PDGFC: variants seen among roughly 807,000 people sequenced by gnomAD.
PDGFC encodes the protein platelet derived growth factor C.
Under a neutral mutation model 35.5 loss-of-function variants are expected in PDGFC, and 12 were observed. The ratio of observed to expected loss-of-function variants is 0.34; its 90% CI spans 0.22 to 0.55. The LOEUF (loss-of-function observed/expected upper bound fraction) is 0.55. PDGFC is among the 20% of genes least tolerant of loss of function. The pLI, the probability that PDGFC is intolerant of heterozygous loss-of-function variation, is 0.91. For missense variants in PDGFC, 322 were observed against 412.4 expected (o/e 0.78, Z 1.90); for synonymous variants, 159 against 148.8 (o/e 1.07, Z -0.50).
At chr4:156,782,210 T>TA (rs1418340212) in intron 3 of PDGFC, among the ~76,000 whole-genome samples, 1 of 152,184 alleles carries the variant, frequency 6.6e-6, no homozygotes, top group African/African-American at 2.4e-5. Context: ...TACGAATACC[T>TA]CTGTGCTAAA....
At chr4:156,891,897 AAG>A (rs1730521910) in intron 1 of PDGFC, among the ~76,000 whole-genome samples, 1 of 152,218 alleles carries the variant, frequency 6.6e-6, no homozygotes, top group African/African-American at 2.4e-5. Flanking sequence ...ATGTACATTA[AAG>A]AGTTTTATAA....
chr4:156,802,257 C>G (rs903257310), intron 3 of PDGFC, among the ~76,000 whole-genome samples: 3 of 152,156 alleles, frequency 2.0e-5, no homozygotes, highest in Admixed American at 6.5e-5. Flanking sequence ...GGCTTACACC[C>G]TTAAGGCCAA....
intron 3 of PDGFC, among the ~76,000 whole-genome samples, chr4:156,781,719 G>A (rs1439831819): frequency 1.3e-5 from 2 of 152,164 alleles, no homozygotes; most frequent in Middle Eastern, 3.4e-3. Context: ...TGGGGCGTTT[G>A]TCAAAATTAC....
At chr4:156,832,764 C>G (rs1211964174) in intron 2 of PDGFC, among the ~76,000 whole-genome samples, 3 of 152,108 alleles carry the variant, frequency 2.0e-5, no homozygotes, top group African/African-American at 7.2e-5. Context: ...AATGCAAAAC[C>G]CATGTATATA....
At chr4:156,911,470 T>C (rs1731037801) in intron 1 of PDGFC, among the ~76,000 whole-genome samples, 1 of 152,102 alleles carries the variant, frequency 6.6e-6, no homozygotes, top group East Asian at 1.9e-4. Flanking sequence ...TTATGATGAG[T>C]GTTGTAAATA....
chr4:156,764,142 T>C (rs535923411), intron 5 of PDGFC, among the ~76,000 whole-genome samples: 2 of 152,342 alleles, frequency 1.3e-5, no homozygotes, highest in South Asian at 4.1e-4. Context: ...ATCTCTACTT[T>C]TTGGATACGA....
At chr4:156,903,213 T>C (rs1730835655) in intron 1 of PDGFC, among the ~76,000 whole-genome samples, 6 of 151,802 alleles carry the variant, frequency 4.0e-5, no homozygotes, top group Admixed American at 3.9e-4. Flanking sequence ...CATGAAATAT[T>C]AAACTTACAT....
In PDGFC at chr4:156,949,472, G is replaced by T. The variant is rs144452590; in HGVS notation, c.118+21314C>A. 3.3e-3 allele frequency among the ~76,000 whole-genome samples: 503 copies of T among 150,724 alleles called. 3 individuals carry two copies. Among genetic ancestry groups the T allele is most frequent in the African/African-American group, 0.012 (474 of 41,060 alleles). On this transcript the variant is annotated intron_variant, in intron 1 of 5. Transcript: ENST00000502773. ...CTCGCTCTTTCTCTCTCTCTCTCTT[G>T]CTCACACACTGTCTGTGCTGCAATA...
At position 156,961,462 on chromosome 4, in the gene PDGFC, T is replaced by A. The variant is rs78063669; in HGVS notation, c.118+9324A>T. On this transcript the variant is annotated intron_variant, in intron 1 of 5. Coordinates refer to ENST00000502773, the MANE Select transcript of PDGFC (RefSeq NM_016205.3). ...AAACATTGAAATGCTTAAAATAGTA[T>A]CCACTCATGAACAAGGATTTCCTAG... 1.7e-3 allele frequency among the ~76,000 whole-genome samples: 263 copies of A among 152,248 alleles called. 2 individuals carry two copies. Among genetic ancestry groups the A allele is most frequent in the African/African-American group, 6.1e-3 (254 of 41,548 alleles).
chr4:156,893,824 C>T (rs147775851), intron 1 of PDGFC, among the ~76,000 whole-genome samples: 121 of 152,160 alleles, frequency 8.0e-4, no homozygotes, highest in Middle Eastern at 6.8e-3. Flanking sequence ...TTAGAAAATA[C>T]GAATTTTATA....
chr4:156,767,439 T>C (rs1730569276), intron 5 of PDGFC, among the ~76,000 whole-genome samples: 1 of 152,078 alleles, frequency 6.6e-6, no homozygotes, highest in South Asian at 2.1e-4. Context: ...CTTTGAAATA[T>C]TTTTCCTTCA....
chr4:156,934,170 T>C (rs78989821), intron 1 of PDGFC, among the ~76,000 whole-genome samples: 1 of 152,348 alleles, frequency 6.6e-6, no homozygotes, highest in African/African-American at 2.4e-5. Flanking sequence ...GATTTTGTCA[T>C]TGTGCTAACA....
intron 3 of PDGFC, among the ~76,000 whole-genome samples, chr4:156,809,726 A>T (rs1231781306): frequency 6.6e-6 from 1 of 151,730 alleles, no homozygotes; most frequent in Non-Finnish European, 1.5e-5. Context: ...AAAAACCTTC[A>T]GTAGTGATAT....
chr4:156,897,314 C>G (rs1406611055), intron 1 of PDGFC, among the ~76,000 whole-genome samples: 1 of 148,776 alleles, frequency 6.7e-6, no homozygotes. Flanking sequence ...CACAGGCAGA[C>G]AGAGAGAGAG....
rs59421806 is a variant in PDGFC, at chr4:156,826,174, A to ATTTTT, written c.315-15162_315-15158dup. Reference sequence around the variant, plus strand: ...GCCACCATATCCAGCTTTGAGTTGGATTTTTTTTTTTTTTTTTTTTTTTTT... The same window carrying ATTTTT: ...GCCACCATATCCAGCTTTGAGTTGGATTTTTTTTTTTTTTTTTTTTTTTTTTTTTT... On this transcript the variant is annotated intron_variant, in intron 2 of 5. Transcript: ENST00000502773. Among the ~76,000 whole-genome samples the ATTTTT allele has an allele frequency of 9.6e-3, 421 of 43,778 alleles. 66 individuals are homozygous for ATTTTT. The highest frequency in any genetic ancestry group is 0.017 in the South Asian group (11 of 664). The allele number at this position is 43,778 out of a possible 152,430, so 28.7% of individuals were successfully genotyped here.
chr4:156,814,565 A>G (rs1579026829), intron 2 of PDGFC, among the ~76,000 whole-genome samples: 1 of 152,110 alleles, frequency 6.6e-6, no homozygotes, highest in African/African-American at 2.4e-5. Flanking sequence ...TTTTCTTGAG[A>G]CCATTTTTCA....
chr4:156,885,910 T>G (rs185263353), intron 1 of PDGFC, among the ~76,000 whole-genome samples: 256 of 151,140 alleles, frequency 1.7e-3, no homozygotes, highest in African/African-American at 6.1e-3. Flanking sequence ...TAAATAAAAT[T>G]CAGGCCTCTA....
At chr4:156,806,146 T>C (rs963870651) in intron 3 of PDGFC, among the ~76,000 whole-genome samples, 7 of 152,102 alleles carry the variant, frequency 4.6e-5, no homozygotes, top group Admixed American at 1.3e-4. Context: ...CATAGTTTTT[T>C]AAAATGTAAA....
chr4:156,770,237 C>T (rs1730657705), intron 4 of PDGFC: 1 of 151,790 alleles, frequency 6.6e-6, no homozygotes, highest in Non-Finnish European at 1.5e-5. Context: ...TTAGAAAATA[C>T]AGTATTTTTT....
Sources: allele counts gnomAD v4.1 joint callset (sites outside exome capture counted in the v4.1 genomes callset), GRCh38; gene constraint gnomAD v4.1.1; transcripts MANE v1.5; gene names NCBI Gene and HGNC (gene_info 2026-07-23, HGNC 2026-07-21).